The following AK4 variants were observed in gnomAD, a reference collection of about 807,000 sequenced individuals.
AK4 encodes the protein adenylate kinase 4, mitochondrial.
Under a neutral mutation model 24.6 loss-of-function variants are expected in AK4, and 13 were observed. That is an observed-to-expected ratio of 0.53 (90% CI 0.34 to 0.84). The LOEUF (loss-of-function observed/expected upper bound fraction) is 0.84. Among genes scored for constraint, AK4 ranks in the 40% least tolerant of loss-of-function variants. AK4 has a pLI of 0.01. For missense variants in AK4, 192 were observed against 288.2 expected (o/e 0.67, Z 2.42); for synonymous variants, 88 against 107.0 (o/e 0.82, Z 1.10).
intron 1 of AK4, among the ~76,000 whole-genome samples, chr1:65,173,301 A>G (rs993808668): frequency 3.9e-5 from 6 of 152,124 alleles, no homozygotes; most frequent in African/African-American, 1.4e-4. Context: ...GTAACAGTCC[A>G]TGGCACTTGG....
At chr1:65,167,523 G>A (rs1222324285) in intron 1 of AK4, among the ~76,000 whole-genome samples, 1 of 150,990 alleles carries the variant, frequency 6.6e-6, no homozygotes, top group East Asian at 1.9e-4. Flanking sequence ...AAAGATCAAG[G>A]ATCTAGCTTG....
intron 3 of AK4, 42 bp from the exon 4 acceptor site, chr1:65,224,710 C>A: frequency 1.3e-6 from 2 of 1,536,948 alleles, no homozygotes; most frequent in South Asian, 1.1e-5. Flanking sequence ...ATGAAATGGC[C>A]CAACTGTTGT....
In AK4 at chr1:65,206,078, C is replaced by T. The variant is rs1238156958; in HGVS notation, c.266-12676C>T. 3.3e-5 allele frequency among the ~76,000 whole-genome samples: 5 copies of T among 152,190 alleles called. No homozygotes were observed. In the East Asian group the frequency reaches 7.7e-4, roughly 23 times the overall value. Reference sequence around the variant, plus strand: ...GGTCTGTCTTGTACCATTCTGTCTACCTACGTCACTCTCCTTACATTATTA... The same window carrying T: ...GGTCTGTCTTGTACCATTCTGTCTATCTACGTCACTCTCCTTACATTATTA... On this transcript the variant is annotated intron_variant, in intron 2 of 4. Coordinates refer to ENST00000327299, the MANE Select transcript of AK4 (RefSeq NM_013410.4).
intron 1 of AK4, among the ~76,000 whole-genome samples, chr1:65,152,350 CTCTCTCTCTCT>C (rs1460370738): frequency 2.2e-5 from 1 of 44,608 alleles, no homozygotes; most frequent in Non-Finnish European, 4.1e-5. Flanking sequence ...CTCTCTCTCT[CTCTCTCTCTCT>C]ATATATATAT....
At chr1:65,188,951 T>C (rs1651197930) in intron 1 of AK4, among the ~76,000 whole-genome samples, 1 of 151,470 alleles carries the variant, frequency 6.6e-6, no homozygotes, top group Non-Finnish European at 1.5e-5. Flanking sequence ...TTTATTTTTA[T>C]TTTTTTTGCG....
chr1:65,148,303 G>A lies in AK4; in HGVS notation c.-105G>A. The A allele has an allele frequency of 1.4e-6, 2 of 1,437,624 alleles. No homozygotes were observed. Among genetic ancestry groups the A allele is most frequent in the Non-Finnish European group, 1.8e-6 (2 of 1,092,196 alleles). The allele number at this position is 1,437,624 out of a possible 1,614,324, so 89.1% of individuals were successfully genotyped here. A position where few individuals can be genotyped will look rare whatever the true frequency, so the allele number is the denominator to read the frequency against. On this transcript the variant is annotated 5_prime_UTR_variant, in exon 1 of 5. Coordinates refer to ENST00000327299, the MANE Select transcript of AK4 (RefSeq NM_013410.4). ...GGGCGGCCGGCGAGTCCCAGTGAGA[G>A]CGGAGGGTGCCAGAGGTAGGGGGCC...
upstream of AK4, chr1:65,147,581 G>A (rs993574812): frequency 4.6e-5 from 7 of 151,852 alleles, no homozygotes; most frequent in African/African-American, 1.7e-4. Context: ...GCGGCCGGCC[G>A]GGGCTCCGCG....
At chr1:65,209,742 C>G (rs2101069955) in intron 2 of AK4, among the ~76,000 whole-genome samples, 1 of 152,286 alleles carries the variant, frequency 6.6e-6, no homozygotes, top group African/African-American at 2.4e-5. Context: ...TTTAAGACAC[C>G]ATTTCATATT....
chr1:65,172,179 C>T (rs919200063), intron 1 of AK4, among the ~76,000 whole-genome samples: 3 of 146,708 alleles, frequency 2.0e-5, no homozygotes, highest in Non-Finnish European at 3.0e-5. Flanking sequence ...TTTTTTAAAA[C>T]GTAACTTTTG....
rs544217379 is a variant in AK4 at position 65,188,557 on chromosome 1, C to A, written c.146-2153C>A. ...GCAGTGGCGTGATCTTGGCTCACTG[C>A]AAGCTCCGCCTCCTGGGTTCACACC... On this transcript the variant is annotated intron_variant, in intron 1 of 4. Coordinates refer to ENST00000327299, the MANE Select transcript of AK4 (RefSeq NM_013410.4). Among the ~76,000 whole-genome samples the A allele has an allele frequency of 8.7e-4, 133 of 152,080 alleles. 2 individuals are homozygous for A. The Middle Eastern group carries it at 0.027, about 31-fold the overall frequency.
At chr1:65,171,453 G>A (rs1486261685) in intron 1 of AK4, among the ~76,000 whole-genome samples, 5 of 151,368 alleles carry the variant, frequency 3.3e-5, no homozygotes, top group Admixed American at 6.6e-5. Flanking sequence ...GACTACAGGC[G>A]CCCGCCATCA....
intron 1 of AK4, among the ~76,000 whole-genome samples, chr1:65,152,205 A>G (rs6675089): frequency 0.018 from 2,788 of 151,374 alleles, 89 homozygotes; most frequent in African/African-American, 0.065. Flanking sequence ...ACCACATTAT[A>G]CTGGATCTAC....
At chr1:65,197,805 C>T (rs79470315) in intron 2 of AK4, among the ~76,000 whole-genome samples, 3,241 of 152,278 alleles carry the variant, frequency 0.021, 120 homozygotes, top group African/African-American at 0.075. Context: ...ACCTTATCCT[C>T]TCCACATTTT....
intron 2 of AK4, among the ~76,000 whole-genome samples, chr1:65,214,742 C>T (rs1652072553): frequency 6.6e-6 from 1 of 152,130 alleles, no homozygotes; most frequent in Admixed American, 6.5e-5. Context: ...GCTTGCCTCC[C>T]CTGCCACCAC....
intron 1 of AK4, among the ~76,000 whole-genome samples, chr1:65,185,624 C>CT (rs35079324): frequency 0.31 from 42,694 of 136,118 alleles, 7,395 homozygotes; most frequent in East Asian, 0.52. Context: ...ATATGACCAT[C>CT]TTTTTTTTTT....
At chr1:65,198,275 T>G (rs1651547866) in intron 2 of AK4, among the ~76,000 whole-genome samples, 1 of 152,244 alleles carries the variant, frequency 6.6e-6, no homozygotes, top group East Asian at 1.9e-4. Context: ...ACTAGGGTGC[T>G]GTGGCCATCT....
At chr1:65,155,009 C>T (rs1035801390) in intron 1 of AK4, among the ~76,000 whole-genome samples, 1 of 151,886 alleles carries the variant, frequency 6.6e-6, no homozygotes, top group African/African-American at 2.4e-5. Context: ...CACCACCATG[C>T]CCAGCTAATT....
chr1:65,183,847 C>T (rs1181203555), intron 1 of AK4, among the ~76,000 whole-genome samples: 3 of 152,106 alleles, frequency 2.0e-5, no homozygotes, highest in Admixed American at 6.6e-5. Context: ...AGTGTTTTGG[C>T]ATATGTGCTG....
At chr1:65,150,281 CTCTCTTTTT>C (rs1038977898) in intron 1 of AK4, among the ~76,000 whole-genome samples, 73 of 121,740 alleles carry the variant, frequency 6.0e-4, no homozygotes, top group African/African-American at 3.6e-3. Flanking sequence ...TTCTCTCTCT[CTCTCTTTTT>C]TTTTTTTAAC....
Sources: allele counts gnomAD v4.1 joint callset (sites outside exome capture counted in the v4.1 genomes callset), GRCh38; gene constraint gnomAD v4.1.1; transcripts MANE v1.5; gene names NCBI Gene and HGNC (gene_info 2026-07-23, HGNC 2026-07-21).